OTUD7B: variants seen among roughly 807,000 people sequenced by gnomAD.
OTUD7B encodes the protein OTU domain-containing protein 7B.
A neutral mutation model predicts 82.2 loss-of-function variants in OTUD7B; 34 were observed. That is an observed-to-expected ratio of 0.41 (90% confidence interval 0.31 to 0.55). The LOEUF is 0.55. Ranked by LOEUF, OTUD7B falls within the 20% of genes least tolerant of loss-of-function variation. OTUD7B has a pLI of 0.20. For missense variants in OTUD7B, 944 were observed against 1,062.1 expected, an observed-to-expected ratio of 0.89 and a Z score of 1.55; for synonymous variants, 398 against 402.7, an observed-to-expected ratio of 0.99 and a Z score of 0.14.
rs16838449 is a variant in OTUD7B, at chr1:149,948,986, G to A, written c.1221C>T (p.Asp407=). ...TGGCTTACCTGGCCAATCGGACATT[G>A]TCACTATCATCTTTGCCCCACTCCC... The part of the protein sequence containing the change: ...KGWEWGKDDS[D]NVRLASVILS... Residue 407 remains aspartate (D), a synonymous_variant, in exon 10 of 12, where the codon GAC becomes GAT. Coordinates refer to ENST00000581312, the MANE Select transcript of OTUD7B (RefSeq NM_020205.4). The A allele has an allele frequency of 3.6e-3, 5,879 of 1,611,624 alleles. 130 individuals carry two copies. In the African/African-American group the frequency reaches 0.059, roughly 16 times the overall value.
chr1:150,050,073 G>A, the OTUD7B span, among the ~76,000 whole-genome samples: 15 of 152,076 alleles, frequency 9.9e-5, no homozygotes, highest in Admixed American at 7.9e-4. Context: ...AAATTCTCCA[G>A]GCATGGTGTT....
chr1:149,953,211 AG>A (rs1553773907), intron 7 of OTUD7B, among the ~76,000 whole-genome samples: 1 of 152,108 alleles, frequency 6.6e-6, no homozygotes, highest in Non-Finnish European at 1.5e-5. Context: ...ATCCATCTTG[AG>A]TTAACTTTTT....
In OTUD7B at chr1:149,971,084, G is replaced by T; in HGVS notation, c.253C>A (p.Arg85=). The T allele has an allele frequency of 6.2e-7, 1 of 1,608,784 alleles. No homozygotes were observed. Among genetic ancestry groups the T allele is most frequent in the Non-Finnish European group, 8.5e-7 (1 of 1,176,174 alleles). The change falls in exon 3 of 12, where the codon CGG becomes AGG. Residue 85 remains arginine (R), a synonymous_variant. Coordinates refer to ENST00000581312, the MANE Select transcript of OTUD7B (RefSeq NM_020205.4). ...GTACCTTGAACGATGTCATCCTGCC[G>T]CTGGAGGATGGGTCGGGGAGGGCGA... is the stretch of plus-strand genomic sequence containing the variant. The part of the protein sequence containing the change: ...PTRPPRPILQ[R]QDDIVQEKRL...
Position 149,940,941 on chromosome 1 carries a change from AT to A in OTUD7B, c.*2915del, listed in dbSNP as rs2092757770. The A allele has an allele frequency of 1.3e-5, 2 of 151,798 alleles. No homozygotes were observed. Among genetic ancestry groups the A allele is most frequent in the Non-Finnish European group, 2.9e-5 (2 of 67,948 alleles). 9.4% of individuals were successfully genotyped at this position (151,798 alleles called of 1,614,324 possible). A position where few individuals can be genotyped will look rare whatever the true frequency, so the allele number is the denominator to read the frequency against. Reference sequence around the variant, plus strand: ...TCACTATCTCCTATAAAAAATATCCATTGTCTCAGGGTCTCTCATCCTTAGA... The same window carrying A: ...TCACTATCTCCTATAAAAAATATCCATGTCTCAGGGTCTCTCATCCTTAGA... On this transcript the variant is annotated 3_prime_UTR_variant, in exon 12 of 12. Coordinates refer to ENST00000581312, the MANE Select transcript of OTUD7B (RefSeq NM_020205.4).
intron 3 of OTUD7B, among the ~76,000 whole-genome samples, chr1:149,968,436 T>C (rs1649672344): frequency 1.3e-5 from 2 of 152,170 alleles, no homozygotes; most frequent in Non-Finnish European, 2.9e-5. Context: ...ATAATGTAGA[T>C]AGTACCCCAC....
intron 1 of OTUD7B, among the ~76,000 whole-genome samples, chr1:149,988,269 T>C (rs1452624447): frequency 6.6e-6 from 1 of 152,214 alleles, no homozygotes; most frequent in South Asian, 2.1e-4. Context: ...TCATATGCTA[T>C]TGTGGATACA....
chr1:150,037,141 C>T, the OTUD7B span, among the ~76,000 whole-genome samples: 4 of 152,080 alleles, frequency 2.6e-5, no homozygotes, highest in African/African-American at 9.7e-5. Context: ...GTCAACTCAG[C>T]ATTCTATCTA....
chr1:149,946,526 G>A (rs1166364262), intron 11 of OTUD7B, among the ~76,000 whole-genome samples: 2 of 151,976 alleles, frequency 1.3e-5, no homozygotes, highest in Non-Finnish European at 2.9e-5. Context: ...TGGATCACCT[G>A]AGGTCAGGAG....
chr1:150,013,554 A>T (rs1338062125), upstream of OTUD7B, among the ~76,000 whole-genome samples: 1 of 152,088 alleles, frequency 6.6e-6, no homozygotes, highest in African/African-American at 2.4e-5. Context: ...CATATTATAC[A>T]TGCCTAGGAA....
the OTUD7B span, among the ~76,000 whole-genome samples, chr1:150,030,116 A>T: frequency 6.6e-6 from 1 of 152,236 alleles, no homozygotes; most frequent in East Asian, 1.9e-4. Flanking sequence ...ATTTTTAAAT[A>T]TCAAATTTAA....
At chr1:149,961,293 T>G (rs1398610972) in intron 6 of OTUD7B, 1 of 152,198 alleles carries the variant, frequency 6.6e-6, no homozygotes, top group Admixed American at 6.6e-5. Context: ...TAAATCTCCC[T>G]TGGCAGATCA....
chr1:150,047,655 A>T, the OTUD7B span: 2 of 152,196 alleles, frequency 1.3e-5, no homozygotes, highest in African/African-American at 4.8e-5. Context: ...TAAGAACTGT[A>T]TAGAAAAATA....
the OTUD7B span, among the ~76,000 whole-genome samples, chr1:150,042,143 C>CTCCT: frequency 1.6e-5 from 2 of 128,252 alleles, no homozygotes; most frequent in African/African-American, 6.1e-5. Context: ...CCCTCCCTCC[C>CTCCT]TTCCTTCCTC....
chr1:150,011,371 T>C (rs1653051658), upstream of OTUD7B, among the ~76,000 whole-genome samples: 1 of 152,242 alleles, frequency 6.6e-6, no homozygotes, highest in African/African-American at 2.4e-5. Flanking sequence ...AATTCAAATA[T>C]GTATTGTATC....
chr1:150,042,711 C>T, the OTUD7B span, among the ~76,000 whole-genome samples: 1 of 152,128 alleles, frequency 6.6e-6, no homozygotes, highest in South Asian at 2.1e-4. Flanking sequence ...GTCTTTCCCA[C>T]TTAGCTGAGG....
chr1:150,025,806 T>C, the OTUD7B span, among the ~76,000 whole-genome samples: 12 of 152,202 alleles, frequency 7.9e-5, no homozygotes, highest in Non-Finnish European at 8.8e-5. Flanking sequence ...TTTCTAGCCC[T>C]AGAGCAATTA....
Position 149,944,981 on chromosome 1 carries a change from CCTT to C in OTUD7B, c.1405_1407del (p.Lys469del), listed in dbSNP as rs782009931. 3 of 1,614,202 alleles carry C rather than the reference CCTT, an allele frequency of 1.9e-6. No homozygotes were observed. The East Asian group carries it at 6.7e-5, about 36-fold the overall frequency. On this transcript the variant is annotated inframe_deletion, in exon 12 of 12. Transcript: ENST00000581312. ...CTGGTGGAACTGCTGCCAACTGACT[CCTT>C]GTCTGAGTCTCCAGACTCAGGAGTG...
At chr1:150,030,577 AG>A in the OTUD7B span, among the ~76,000 whole-genome samples, 1 of 152,186 alleles carries the variant, frequency 6.6e-6, no homozygotes, top group Non-Finnish European at 1.5e-5. Flanking sequence ...ATAAAGCAAA[AG>A]TCAGCTTCAT....
intron 2 of OTUD7B, among the ~76,000 whole-genome samples, chr1:149,974,467 T>C (rs587629020): frequency 6.6e-6 from 1 of 151,926 alleles, no homozygotes; most frequent in East Asian, 1.9e-4. Context: ...GAACTTAGAA[T>C]AAAATTTAAA....
Sources: gnomAD v4.1 joint callset for allele counts (sites outside exome capture counted in the v4.1 genomes callset) on GRCh38, gnomAD v4.1.1 for gene constraint, MANE v1.5 for transcripts, NCBI Gene and HGNC (gene_info 2026-07-23, HGNC 2026-07-21) for gene names.